The following SPNS3 variants were observed in gnomAD, a reference collection of about 807,000 sequenced individuals.
SPNS3 encodes protein spinster homolog 3.
Under a neutral mutation model 54.4 loss-of-function variants are expected in SPNS3, and 51 were observed. The observed-to-expected ratio is 0.94, with a 90% confidence interval of 0.75 to 1.18. The LOEUF is 1.18. SPNS3 is among the 50% of genes most tolerant of loss of function. The pLI, the probability that SPNS3 is intolerant of heterozygous loss-of-function variation, is 0.00. For synonymous variants in SPNS3, 309 were observed against 294.7 expected (o/e 1.05, Z -0.50); for missense variants, 669 against 677.4 (o/e 0.99, Z 0.14).
At chr17:4,437,951 T>C (rs946251866) in intron 1 of SPNS3, among the ~76,000 whole-genome samples, 1 of 152,088 alleles carries the variant, frequency 6.6e-6, no homozygotes, top group African/African-American at 2.4e-5. Flanking sequence ...AACATCTGGC[T>C]AATTTTTTGT....
At chr17:4,472,660 T>G (rs1971885207) in intron 8 of SPNS3, among the ~76,000 whole-genome samples, 1 of 152,030 alleles carries the variant, frequency 6.6e-6, no homozygotes, top group Admixed American at 6.6e-5. Context: ...TAGGGACTAC[T>G]ACTCAGTTAA....
intron 8 of SPNS3, among the ~76,000 whole-genome samples, chr17:4,463,409 A>AAC (rs1971593197): frequency 1.4e-5 from 2 of 141,180 alleles, no homozygotes; most frequent in African/African-American, 5.9e-5. Context: ...AAAAAAAAAA[A>AAC]AACAAAACAA....
chr17:4,454,048 C>T (rs565880842), intron 8 of SPNS3, among the ~76,000 whole-genome samples: 2 of 152,314 alleles, frequency 1.3e-5, no homozygotes, highest in South Asian at 4.1e-4. Context: ...TCCTGAAATC[C>T]TCCTTCTGCA....
In SPNS3 at chr17:4,486,231, G is replaced by A. The variant is rs745530640; in HGVS notation, c.1183G>A (p.Val395Met). 37 of 1,555,262 alleles carry A rather than the reference G, an allele frequency of 2.4e-5. No individual in the cohort carries two copies. Among genetic ancestry groups the A allele is most frequent in the South Asian group, 4.9e-5 (4 of 81,268 alleles). Residue 395 changes from valine (V) to methionine (M), a missense_variant, in exon 10 of 12, where the codon GTG becomes ATG. Coordinates refer to ENST00000355530, the MANE Select transcript of SPNS3 (RefSeq NM_182538.5). The surrounding 1 kb of genome is among the most constrained non-coding windows in gnomAD (Gnocchi z 5.5). ...WAVVADILLS[V>M]VVPRCRGTAE... ...CTGCTGTGCCTATGTTTTGCAGTCT[G>A]TGGTGGTGCCCAGATGCCGGGGGAC...
At chr17:4,441,601 T>C (rs1055665331) in intron 2 of SPNS3, among the ~76,000 whole-genome samples, 4 of 152,106 alleles carry the variant, frequency 2.6e-5, no homozygotes, top group Non-Finnish European at 4.4e-5. Flanking sequence ...TCTTTTTTTT[T>C]CCTTTTTTTC....
rs563649339 is a variant in SPNS3 at position 4,475,853 on chromosome 17, T to C, written c.1114-2719T>C. On this transcript the variant is annotated intron_variant, in intron 8 of 11. Coordinates refer to ENST00000355530, the MANE Select transcript of SPNS3 (RefSeq NM_182538.5). Reference sequence around the variant, plus strand: ...TGAGTTGTGGAGCCCGGGTTTGAACTGCTCATGGAAGCCACTGAACGCTAG... The same window carrying C: ...TGAGTTGTGGAGCCCGGGTTTGAACCGCTCATGGAAGCCACTGAACGCTAG... Among the ~76,000 whole-genome samples the C allele has an allele frequency of 2.0e-5, 3 of 152,314 alleles. No homozygotes were observed. In the East Asian group the frequency reaches 5.8e-4, roughly 29 times the overall value.
intron 7 of SPNS3, among the ~76,000 whole-genome samples, chr17:4,451,415 C>A (rs1460903682): frequency 6.6e-6 from 1 of 151,948 alleles, no homozygotes; most frequent in African/African-American, 2.4e-5. Flanking sequence ...CCACGCCCAG[C>A]TAATTTTTGT....
chr17:4,487,494 T>G (rs892944210), intron 11 of SPNS3, among the ~76,000 whole-genome samples: 1 of 152,188 alleles, frequency 6.6e-6, no homozygotes, highest in African/African-American at 2.4e-5. Flanking sequence ...GGAGCTGCTG[T>G]GGGGCTTCCA....
intron 8 of SPNS3, among the ~76,000 whole-genome samples, chr17:4,459,098 C>T (rs535573185): frequency 3.3e-5 from 5 of 152,224 alleles, no homozygotes; most frequent in Admixed American, 6.5e-5. Flanking sequence ...AGCTTACCAC[C>T]GTCTCTCCAT....
chr17:4,451,129 C>T (rs1274615437), intron 7 of SPNS3, among the ~76,000 whole-genome samples: 1 of 152,154 alleles, frequency 6.6e-6, no homozygotes, highest in African/African-American at 2.4e-5. Flanking sequence ...TCAGCCCAGA[C>T]CAGGACTCAG....
intron 3 of SPNS3, among the ~76,000 whole-genome samples, chr17:4,445,815 T>C (rs1056378740): frequency 6.6e-6 from 1 of 151,850 alleles, no homozygotes; most frequent in African/African-American, 2.4e-5. Flanking sequence ...TGGTTAGCAA[T>C]GGTGGGACCC....
At chr17:4,475,581 G>C (rs907766044) in intron 8 of SPNS3, among the ~76,000 whole-genome samples, 2 of 152,190 alleles carry the variant, frequency 1.3e-5, no homozygotes, top group South Asian at 4.1e-4. Flanking sequence ...GATCAGCTCC[G>C]GCAGCTTGCT....
chr17:4,487,167 CAAAAAAAAA>C (rs35822922), intron 11 of SPNS3, among the ~76,000 whole-genome samples: 2 of 70,486 alleles, frequency 2.8e-5, no homozygotes, highest in East Asian at 5.9e-4. Context: ...AAGACTGTCT[CAAAAAAAAA>C]AAAAAAAAAA....
At chr17:4,479,155 T>A (rs931591545) in intron 9 of SPNS3, among the ~76,000 whole-genome samples, 7 of 152,222 alleles carry the variant, frequency 4.6e-5, no homozygotes, top group African/African-American at 1.7e-4. Flanking sequence ...TTGGCGAGGC[T>A]GGTCTTGAAC....
intron 9 of SPNS3, among the ~76,000 whole-genome samples, chr17:4,484,567 T>C (rs939001200): frequency 6.6e-6 from 1 of 152,172 alleles, no homozygotes; most frequent in Non-Finnish European, 1.5e-5. Context: ...GTGATCCACC[T>C]GCCTCAGTCT....
At chr17:4,467,963 G>C (rs1275914329) in intron 8 of SPNS3, among the ~76,000 whole-genome samples, 7 of 152,184 alleles carry the variant, frequency 4.6e-5, no homozygotes, top group African/African-American at 1.7e-4. Flanking sequence ...GGGCGACGGC[G>C]CCTGGCTACT....
intron 8 of SPNS3, among the ~76,000 whole-genome samples, chr17:4,461,479 G>A (rs1183620819): frequency 6.8e-6 from 1 of 146,718 alleles, no homozygotes; most frequent in African/African-American, 2.5e-5. Flanking sequence ...GATTATAGGA[G>A]TGAGCCACCC....
chr17:4,488,142 T>C lies in SPNS3; in HGVS notation c.*248T>C. On this transcript the variant is annotated 3_prime_UTR_variant, in exon 12 of 12. Transcript: ENST00000355530. ...CTGCCCCAGCCTGGGGTCTCCAGCC[T>C]GGCTGCTGCTGGGCCCTGAATAAAG... 1.8e-6 allele frequency: 1 copy of C among 543,224 alleles called. No individual in the cohort carries two copies. Among genetic ancestry groups the C allele is most frequent in the South Asian group, 2.2e-5 (1 of 45,742 alleles). The allele number at this position is 543,224 out of a possible 1,614,324, so 33.7% of individuals were successfully genotyped here.
At chr17:4,463,964 G>A (rs2144131334) in intron 8 of SPNS3, among the ~76,000 whole-genome samples, 1 of 152,292 alleles carries the variant, frequency 6.6e-6, no homozygotes, top group East Asian at 1.9e-4. Flanking sequence ...GTGCACATGT[G>A]GACCTGCAGC....
Sources: gnomAD v4.1 joint callset for allele counts (sites outside exome capture counted in the v4.1 genomes callset) on GRCh38, gnomAD v4.1.1 for gene constraint, Gnocchi (gnomAD v3.1) non-coding constraint, MANE v1.5 for transcripts, NCBI Gene and HGNC (gene_info 2026-07-23, HGNC 2026-07-21) for gene names.